The following CALHM6 variants were observed in gnomAD, a reference collection of about 807,000 sequenced individuals.
CALHM6 encodes calcium homeostasis modulator family member 6, also known as calcium homeostasis modulator protein 6.
In CALHM6, 15 loss-of-function variants were observed where a neutral mutation model predicts 12.7. The ratio of observed to expected loss-of-function variants is 1.18; its 90% CI spans 0.79 to 1.82. CALHM6 has a LOEUF of 1.82. CALHM6 is among the 40% of genes most tolerant of loss of function. The pLI is 0.00. For synonymous variants in CALHM6, 212 were observed against 193.7 expected (o/e 1.09, Z -0.78); for missense variants, 434 against 421.0 (o/e 1.03, Z -0.27).
In CALHM6 at chr6:116,463,734, T is replaced by A. The variant is rs1480606403; in HGVS notation, c.*29T>A. On this transcript the variant is annotated 3_prime_UTR_variant, in exon 3 of 3. Transcript: ENST00000368605. ...TTTGAATGAGTAGAAAAAAAAATTG[T>A]TTTGAATTATTGCTTTATTAAAAAA... 6.9e-7 allele frequency: 1 copy of A among 1,455,614 alleles called. No individual in the cohort carries two copies. Among genetic ancestry groups the A allele is most frequent in the Non-Finnish European group, 9.2e-7 (1 of 1,090,790 alleles). 90.2% of individuals were successfully genotyped at this position (1,455,614 alleles called of 1,614,324 possible).
chr6:116,461,822 C>A, intron 1 of CALHM6, 50 bp from the exon 2 acceptor site: 1 of 1,161,804 alleles, frequency 8.6e-7, no homozygotes, highest in Non-Finnish European at 1.1e-6. Context: ...CTGCTTCTCG[C>A]AGAGTGGAAA....
rs372924265 is a variant in CALHM6 at position 116,463,396 on chromosome 6, T to C, written c.639T>C (p.Tyr213=). The change falls in exon 3 of 3, where the codon TAT becomes TAC. Residue 213 remains tyrosine, a synonymous_variant. Transcript: ENST00000368605. ...TGCAGCTGAAATTCTGGAAAATCTA[T>C]TTGGAACAGGAGCAGCAGATCCTTA... ...SFLQLKFWKI[Y]LEQEQQILKS... is the part of the protein sequence containing the mutation. 89 of 1,614,026 alleles carry C rather than the reference T, an allele frequency of 5.5e-5. No individual in the cohort carries two copies. Among genetic ancestry groups the C allele is most frequent in the Non-Finnish European group, 6.9e-5 (82 of 1,180,040 alleles).
At position 116,462,782 on chromosome 6, in the gene CALHM6, GT is replaced by G. The variant is rs575759274; in HGVS notation, c.525+329del. On this transcript the variant is annotated intron_variant, in intron 2 of 2. Coordinates refer to ENST00000368605, the MANE Select transcript of CALHM6 (RefSeq NM_001010919.3). ...TTACGTCTCACAACAGCTCTGTTGG[GT>G]GCAAAATTGCGGTTTTGCCATTACA... 4.3e-3 allele frequency among the ~76,000 whole-genome samples: 662 copies of G among 152,226 alleles called. 6 individuals are homozygous for G. Among genetic ancestry groups the G allele is most frequent in the Admixed American group, 6.4e-3 (98 of 15,296 alleles).
In CALHM6 at chr6:116,462,014, G is replaced by C. The variant is rs1356618485; in HGVS notation, c.85G>C (p.Gly29Arg). 6.5e-7 allele frequency: 1 copy of C among 1,548,754 alleles called. No homozygotes were observed. Among genetic ancestry groups the C allele is most frequent in the South Asian group, 1.2e-5 (1 of 83,898 alleles). Residue 29 changes from glycine to arginine, a missense_variant, in exon 2 of 3, where the codon GGC becomes CGC. Gly to Arg is a moderately radical substitution (Grantham distance 125). Transcript: ENST00000368605. ...CGGCCTGGTGACCCTGCTGACGGCG[G>C]GCGGGGAGCGCATCTTCTCCGCCGT... ...GYGLVTLLTA[G>R]GERIFSAVAF... is the part of the protein sequence containing the mutation.
intron 1 of CALHM6, 139 bp downstream of exon 1, chr6:116,461,568 G>A: frequency 1.2e-6 from 1 of 826,598 alleles, no homozygotes; most frequent in Non-Finnish European, 2.0e-6. Flanking sequence ...TAGTTTCCTG[G>A]TTCGTTGTCA....
chr6:116,461,819 T>A, intron 1 of CALHM6, 53 bp from the exon 2 acceptor site: 158 of 1,023,524 alleles, frequency 1.5e-4, no homozygotes, highest in Non-Finnish European at 1.9e-4. Context: ...AGGCTGCTTC[T>A]CGCAGAGTGG....
chr6:116,462,714 A>G (rs2269567), intron 2 of CALHM6, among the ~76,000 whole-genome samples: 1 of 152,002 alleles, frequency 6.6e-6, no homozygotes, highest in Non-Finnish European at 1.5e-5. Context: ...ACGCCTACTC[A>G]GTGCCAGATA....
rs1452589202 is a variant in CALHM6, at chr6:116,461,430, G to A, written c.-59+1G>A. 5 of 1,550,194 alleles carry A rather than the reference G, an allele frequency of 3.2e-6. No homozygotes were observed. In the East Asian group the frequency reaches 7.3e-5, roughly 23 times the overall value. On this transcript the variant is annotated splice_donor_variant, in intron 1 of 2. Coordinates refer to ENST00000368605, the MANE Select transcript of CALHM6 (RefSeq NM_001010919.3). LOFTEE classifies it low-confidence loss of function (5UTR_SPLICE). ...AATTTGTCCTTGAATAATGTTTCCC[G>A]TAAGTAATCAGTTTTTTGATAATTA...
intron 1 of CALHM6, 56 bp from the exon 2 acceptor site, chr6:116,461,816 T>A: frequency 1.1e-6 from 1 of 920,048 alleles, no homozygotes; most frequent in Non-Finnish European, 1.5e-6. Context: ...AAAAGGCTGC[T>A]TCTCGCAGAG....
At chr6:116,461,822 C>T in intron 1 of CALHM6, 50 bp from the exon 2 acceptor site, 1 of 1,161,818 alleles carries the variant, frequency 8.6e-7, no homozygotes, top group Non-Finnish European at 1.1e-6. Flanking sequence ...CTGCTTCTCG[C>T]AGAGTGGAAA....
chr6:116,462,218 C>T lies in CALHM6; in HGVS notation c.289C>T (p.Leu97=). Residue 97 remains leucine, a synonymous_variant, in exon 2 of 3, where the codon CTG becomes TTG. Coordinates refer to ENST00000368605, the MANE Select transcript of CALHM6 (RefSeq NM_001010919.3). ...TTGCGGATCGGCGCTGCGCGGCTCC[C>T]TGGTGTGCACGCAAATCAGCGCGGC... ...ASCGSALRGS[L]VCTQISAAAA... 1 of 1,434,766 alleles carries T rather than the reference C, an allele frequency of 7.0e-7. No individual in the cohort carries two copies. The highest frequency in any genetic ancestry group is 9.1e-7 in the Non-Finnish European group (1 of 1,099,076). 88.9% of individuals were successfully genotyped at this position (1,434,766 alleles called of 1,614,324 possible).
In CALHM6 at chr6:116,463,473, G is replaced by T; in HGVS notation, c.716G>T (p.Cys239Phe). The T allele has an allele frequency of 6.2e-7, 1 of 1,614,146 alleles. No homozygotes were observed. Among genetic ancestry groups the T allele is most frequent in the Non-Finnish European group, 8.5e-7 (1 of 1,180,012 alleles). Residue 239 changes from cysteine to phenylalanine, a missense_variant, in exon 3 of 3, where the codon TGT (cysteine) becomes TTT (phenylalanine). By Grantham distance (205) the Cys-to-Phe change is radical. Coordinates refer to ENST00000368605, the MANE Select transcript of CALHM6 (RefSeq NM_001010919.3). ...GAATTGGCAAAAGAGAATATTAAAT[G>T]TTTCTTTGAGGGCTCGCATCCAAAA... is the stretch of plus-strand genomic sequence containing the variant. ...ATELAKENIK[C>F]FFEGSHPKEY...
At position 116,463,669 on chromosome 6, in the gene CALHM6, A is replaced by AGATT; in HGVS notation, c.913_916dup (p.Ser306Ter). The AGATT allele has an allele frequency of 6.2e-7, 1 of 1,612,790 alleles. No individual in the cohort carries two copies. The highest frequency in any genetic ancestry group is 8.5e-7 in the Non-Finnish European group (1 of 1,179,488). On this transcript the variant is annotated frameshift_variant, in exon 3 of 3. Coordinates refer to ENST00000368605, the MANE Select transcript of CALHM6 (RefSeq NM_001010919.3). LOFTEE classifies it low-confidence loss of function (END_TRUNC). ...CGGTGATTCCTGTTCTTGGCTTTGT[A>AGATT]GATTCATCTGGTATAAACAGCACTC...
Position 116,463,333 on chromosome 6 carries a change from T to A in CALHM6, c.576T>A (p.Phe192Leu), listed in dbSNP as rs201027729. 1 of 1,614,092 alleles carries A rather than the reference T, an allele frequency of 6.2e-7. No individual in the cohort carries two copies. The highest frequency in any genetic ancestry group is 2.2e-5 in the East Asian group (1 of 44,874). The change falls in exon 3 of 3, where the codon TTT becomes TTA. Residue 192 changes from phenylalanine (F) to leucine (L), a missense_variant. Phe to Leu is a conservative substitution (Grantham distance 22, BLOSUM62 0). Transcript: ENST00000368605. ...TTGTTATCATCATTCTTCTGATTTT[T>A]ACATCTGTCACCCGATGCCTATCTC... is the stretch of plus-strand genomic sequence containing the variant. ...IAVVIIILLI[F>L]TSVTRCLSPV...
intron 1 of CALHM6, 120 bp downstream of exon 1, chr6:116,461,549 C>T: frequency 6.3e-6 from 6 of 958,566 alleles, no homozygotes; most frequent in Non-Finnish European, 9.8e-6. Context: ...GGCCGTGGGT[C>T]AAGAAGGTTA....
In CALHM6 at chr6:116,463,312, TATC is replaced by T. The variant is rs767640563; in HGVS notation, c.561_563del (p.Ile188del). 1.2e-6 allele frequency: 2 copies of T among 1,613,974 alleles called. No homozygotes were observed. The highest frequency in any genetic ancestry group is 1.7e-6 in the Non-Finnish European group (2 of 1,179,938). The stretch of plus-strand genomic sequence containing the variant: ...TGGGCTGGATCTTGATAGCAGTTGT[TATC>T]ATCATTCTTCTGATTTTTACATCTG... On this transcript the variant is annotated inframe_deletion, in exon 3 of 3. Coordinates refer to ENST00000368605, the MANE Select transcript of CALHM6 (RefSeq NM_001010919.3).
At position 116,461,915 on chromosome 6, in the gene CALHM6, CG is replaced by C; in HGVS notation, c.-10del. The C allele has an allele frequency of 1.3e-6, 2 of 1,486,174 alleles. No individual in the cohort carries two copies. Among genetic ancestry groups the C allele is most frequent in the Non-Finnish European group, 1.8e-6 (2 of 1,111,034 alleles). 92.1% of individuals were successfully genotyped at this position (1,486,174 alleles called of 1,614,324 possible). A position where few individuals can be genotyped will look rare whatever the true frequency, so the allele number is the denominator to read the frequency against. On this transcript the variant is annotated 5_prime_UTR_variant, in exon 2 of 3. Coordinates refer to ENST00000368605, the MANE Select transcript of CALHM6 (RefSeq NM_001010919.3). ...GGATCTGGGCCTGTGCGCGACGCCC[CG>C]GGGGACGAGGCTCATGGAGAAGTTT...
In CALHM6 at chr6:116,463,629, C is replaced by G. The variant is rs1784831100; in HGVS notation, c.872C>G (p.Ser291Cys). Residue 291 changes from serine to cysteine, a missense_variant, in exon 3 of 3, where the codon TCT (serine) becomes TGT (cysteine). Physicochemically the swap from Ser to Cys is moderately radical, Grantham distance 112. Transcript: ENST00000368605. ...AAAGAGAAGACTCACAGTATCAGGT[C>G]TACTGAAGGAGATACGGTGATTCCT... ...NRKEKTHSIR[S>C]TEGDTVIPVL... 1 of 1,613,992 alleles carries G rather than the reference C, an allele frequency of 6.2e-7. No homozygotes were observed. Among genetic ancestry groups the G allele is most frequent in the Non-Finnish European group, 8.5e-7 (1 of 1,179,940 alleles).
chr6:116,461,752 A>C (rs1388186883), intron 1 of CALHM6, 120 bp from the exon 2 acceptor site: 8 of 795,398 alleles, frequency 1.0e-5, no homozygotes, highest in Non-Finnish European at 1.5e-5. Flanking sequence ...TGAAATGAGA[A>C]AGTGAAACTT....
Sources: allele counts gnomAD v4.1 joint callset (sites outside exome capture counted in the v4.1 genomes callset), GRCh38; gene constraint gnomAD v4.1.1; transcripts MANE v1.5; gene names NCBI Gene and HGNC (gene_info 2026-07-23, HGNC 2026-07-21).